Variants in PLPPR2 observed in about 807,000 individuals in gnomAD.
PLPPR2 encodes phospholipid phosphatase related 2.
Under a neutral mutation model 40.3 loss-of-function variants are expected in PLPPR2, and 11 were observed. The observed-to-expected ratio is 0.27, with a 90% confidence interval of 0.17 to 0.45. The LOEUF is 0.45. Ranked by LOEUF, PLPPR2 falls within the 20% of genes least tolerant of loss-of-function variation. The pLI, the probability that PLPPR2 is intolerant of heterozygous loss-of-function variation, is 1.00. For missense variants in PLPPR2, 497 were observed against 640.7 expected (o/e 0.78, Z 2.42); for synonymous variants, 260 against 290.8 (o/e 0.89, Z 1.08).
chr19:11,364,012 A>AC lies in PLPPR2; in HGVS notation c.964-144dup. ...ACAGCCCCAAAGAATGAAAGGGAGC[A>AC]CCCCCGTCTTCTTCCCAGGGGGACA... On this transcript the variant is annotated intron_variant, in intron 8 of 9. Transcript: ENST00000688289. The surrounding 1 kb of genome is among the most constrained non-coding windows in gnomAD (Gnocchi z 5.8). 3.8e-6 allele frequency: 5 copies of AC among 1,331,080 alleles called. No homozygotes were observed. Among genetic ancestry groups the AC allele is most frequent in the Non-Finnish European group, 4.1e-6 (4 of 971,644 alleles). 82.5% of individuals were successfully genotyped at this position (1,331,080 alleles called of 1,614,324 possible).
At chr19:11,358,043 G>A (rs1316240000) in intron 3 of PLPPR2, among the ~76,000 whole-genome samples, 1 of 39,150 alleles carries the variant, frequency 2.6e-5, no homozygotes, top group Non-Finnish European at 6.8e-5. Flanking sequence ...GTGTGTGTGT[G>A]TGTGTGTGTG....
chr19:11,362,360 G>A lies in PLPPR2; in HGVS notation c.664-153G>A. On this transcript the variant is annotated intron_variant, in intron 6 of 9. Coordinates refer to ENST00000688289, the MANE Select transcript of PLPPR2 (RefSeq NM_001393892.1). The surrounding 1 kb of genome is among the most constrained non-coding windows in gnomAD (Gnocchi z 5.3). Reference sequence around the variant, plus strand: ...CTTTTTGGTCACGCTCCCTGGAAAAGCCCACTGGGAGCCCATGACTCCAAC... The same window carrying A: ...CTTTTTGGTCACGCTCCCTGGAAAAACCCACTGGGAGCCCATGACTCCAAC... 2 of 747,432 alleles carry A rather than the reference G, an allele frequency of 2.7e-6. No individual in the cohort carries two copies. Among genetic ancestry groups the A allele is most frequent in the Non-Finnish European group, 4.2e-6 (2 of 476,194 alleles). 46.3% of individuals were successfully genotyped at this position (747,432 alleles called of 1,614,324 possible).
Position 11,363,643 on chromosome 19 carries a change from G to A in PLPPR2, c.841-70G>A. On this transcript the variant is annotated intron_variant, in intron 7 of 9. Coordinates refer to ENST00000688289, the MANE Select transcript of PLPPR2 (RefSeq NM_001393892.1). The surrounding 1 kb of genome is among the most constrained non-coding windows in gnomAD (Gnocchi z 4.8). ...CCTCACTTTCCTTATCTGAAAAATGGGGATGGTATTTACATGGCTCCTATG... is the reference window on the plus strand; with the variant it reads ...CCTCACTTTCCTTATCTGAAAAATGAGGATGGTATTTACATGGCTCCTATG... The A allele has an allele frequency of 6.7e-7, 1 of 1,500,556 alleles. No homozygotes were observed. Among genetic ancestry groups the A allele is most frequent in the Non-Finnish European group, 8.9e-7 (1 of 1,117,388 alleles). 93.0% of individuals were successfully genotyped at this position (1,500,556 alleles called of 1,614,324 possible).
Position 11,363,738 on chromosome 19 carries a change from A to C in PLPPR2, c.866A>C (p.Gln289Pro). 6.2e-7 allele frequency: 1 copy of C among 1,614,068 alleles called. No homozygotes were observed. The highest frequency in any genetic ancestry group is 8.5e-7 in the Non-Finnish European group (1 of 1,179,958). Residue 289 changes from glutamine to proline, a missense_variant, in exon 8 of 10, where the codon CAG becomes CCG. Gln to Pro is a moderately conservative substitution (Grantham distance 76). Transcript: ENST00000688289. This position sits in a 1 kb window ranked among gnomAD's most constrained non-coding sequence, Gnocchi z 4.8. ...GTCACCTGCGTTGTGCATAACTTTC[A>C]GAGCCGGCCACCCTCTGGCCGAAGG... ...FLVTCVVHNF[Q>P]SRPPSGRRLS...
At position 11,363,209 on chromosome 19, in the gene PLPPR2, G is replaced by T. The variant is rs957712498; in HGVS notation, c.841-504G>T. On this transcript the variant is annotated intron_variant, in intron 7 of 9. Coordinates refer to ENST00000688289, the MANE Select transcript of PLPPR2 (RefSeq NM_001393892.1). This position sits in a 1 kb window ranked among gnomAD's most constrained non-coding sequence, Gnocchi z 4.8. ...GGCAGAAGAATCGCTTGAACCCGGG[G>T]GACGGAGGTTGCAGTGAACTGAGAT... Among the ~76,000 whole-genome samples the T allele has an allele frequency of 2.0e-5, 3 of 151,698 alleles. No homozygotes were observed. Among genetic ancestry groups the T allele is most frequent in the Non-Finnish European group, 4.4e-5 (3 of 67,936 alleles).
chr19:11,362,510 C>T lies in PLPPR2; in HGVS notation c.664-3C>T. The T allele has an allele frequency of 6.2e-7, 1 of 1,609,408 alleles. No individual in the cohort carries two copies. Reference sequence around the variant, plus strand: ...TCCCCCTGACCAGTCCGGCTCCCCGCAGATGTACGTGACTCTCGTGTTCCG... The same window carrying T: ...TCCCCCTGACCAGTCCGGCTCCCCGTAGATGTACGTGACTCTCGTGTTCCG... On this transcript the variant is annotated splice_polypyrimidine_tract_variant and splice_region_variant and intron_variant, in intron 6 of 9. Coordinates refer to ENST00000688289, the MANE Select transcript of PLPPR2 (RefSeq NM_001393892.1). This position sits in a 1 kb window ranked among gnomAD's most constrained non-coding sequence, Gnocchi z 5.3.
At chr19:11,360,301 AAAG>A (rs1287283626) in intron 5 of PLPPR2, among the ~76,000 whole-genome samples, 34 of 152,096 alleles carry the variant, frequency 2.2e-4, no homozygotes, top group East Asian at 5.8e-4. Context: ...AAAAAAAAAA[AAAG>A]AAGAATTCCA....
chr19:11,364,387 C>G lies in PLPPR2; in HGVS notation c.1056C>G (p.Ser352Arg), dbSNP rs759532483. The G allele has an allele frequency of 4.2e-5, 64 of 1,519,564 alleles. No individual in the cohort carries two copies. Among genetic ancestry groups the G allele is most frequent in the South Asian group, 3.6e-4 (27 of 75,820 alleles). 94.1% of individuals were successfully genotyped at this position (1,519,564 alleles called of 1,614,324 possible). ...CCCGCCGTGGCCACCTGATCCCCAG[C>G]TGTGTCTCCTCCAGGGCCCCAGCCA... ...NCARRGHLIP[S>R]CVSSRAPAMC... The change falls in exon 10 of 10, where the codon AGC (serine) becomes AGG (arginine). Residue 352 changes from serine to arginine, a missense_variant. Coordinates refer to ENST00000688289, the MANE Select transcript of PLPPR2 (RefSeq NM_001393892.1). The surrounding 1 kb of genome is among the most constrained non-coding windows in gnomAD (Gnocchi z 5.8).
intron 5 of PLPPR2, among the ~76,000 whole-genome samples, chr19:11,360,159 T>C (rs933119911): frequency 6.6e-6 from 1 of 152,056 alleles, no homozygotes. Context: ...GGCGAAACCC[T>C]GTCTGTACTA....
In PLPPR2 at chr19:11,357,687, G is replaced by A. The variant is rs1327146291; in HGVS notation, c.14G>A (p.Arg5Lys). Residue 5 changes from arginine (R) to lysine (K), a missense_variant, in exon 3 of 10, where the codon AGA becomes AAA. Physicochemically the swap from Arg to Lys is conservative, Grantham distance 26. Transcript: ENST00000688289. MAGGRPHLKRSFSII... is the reference protein window; with the variant it reads MAGGKPHLKRSFSII... ...CTGGCCTTCACCATGGCGGGAGGGA[G>A]ACCGCATCTGAAGAGGAGTTTCTCC... 1.2e-6 allele frequency: 2 copies of A among 1,607,008 alleles called. No homozygotes were observed. Among genetic ancestry groups the A allele is most frequent in the African/African-American group, 2.7e-5 (2 of 74,700 alleles).
Position 11,362,353 on chromosome 19 carries a change from T to A in PLPPR2, c.664-160T>A. 3.5e-6 allele frequency: 2 copies of A among 572,668 alleles called. No individual in the cohort carries two copies. Among genetic ancestry groups the A allele is most frequent in the Non-Finnish European group, 2.9e-6 (1 of 350,082 alleles). 35.5% of individuals were successfully genotyped at this position (572,668 alleles called of 1,614,324 possible). ...CCTTTGCCTTTTTGGTCACGCTCCC[T>A]GGAAAAGCCCACTGGGAGCCCATGA... On this transcript the variant is annotated intron_variant, in intron 6 of 9. Coordinates refer to ENST00000688289, the MANE Select transcript of PLPPR2 (RefSeq NM_001393892.1). This position sits in a 1 kb window ranked among gnomAD's most constrained non-coding sequence, Gnocchi z 5.3.
rs1319720682 is a variant in PLPPR2 at position 11,364,022 on chromosome 19, T to C, written c.964-139T>C. ...AGAATGAAAGGGAGCACCCCCGTCT[T>C]CTTCCCAGGGGGACACGGTTAATCA... is the stretch of plus-strand genomic sequence containing the variant. On this transcript the variant is annotated intron_variant, in intron 8 of 9. Coordinates refer to ENST00000688289, the MANE Select transcript of PLPPR2 (RefSeq NM_001393892.1). The surrounding 1 kb of genome is among the most constrained non-coding windows in gnomAD (Gnocchi z 5.8). The C allele has an allele frequency of 7.3e-7, 1 of 1,370,298 alleles. No homozygotes were observed. Among genetic ancestry groups the C allele is most frequent in the East Asian group, 2.3e-5 (1 of 42,998 alleles). 84.9% of individuals were successfully genotyped at this position (1,370,298 alleles called of 1,614,324 possible). A position where few individuals can be genotyped will look rare whatever the true frequency, so the allele number is the denominator to read the frequency against.
chr19:11,362,316 C>T lies in PLPPR2; in HGVS notation c.664-197C>T. 1.7e-6 allele frequency: 1 copy of T among 588,702 alleles called. No individual in the cohort carries two copies. The highest frequency in any genetic ancestry group is 2.9e-5 in the East Asian group (1 of 34,610). 36.5% of individuals were successfully genotyped at this position (588,702 alleles called of 1,614,324 possible). On this transcript the variant is annotated intron_variant, in intron 6 of 9. Transcript: ENST00000688289. The surrounding 1 kb of genome is among the most constrained non-coding windows in gnomAD (Gnocchi z 5.3). ...CCACGAGACTCCAAGACCTCAATCC[C>T]TGACCCCCCCCCCTTTGCCTTTTTG...
chr19:11,356,114 G>A (rs1311930928), intron 1 of PLPPR2, among the ~76,000 whole-genome samples: 2 of 151,994 alleles, frequency 1.3e-5, no homozygotes, highest in African/African-American at 2.4e-5. Context: ...GGCTGTGGTC[G>A]TGCGCTGTGC....
Position 11,359,858 on chromosome 19 carries a change from C to T in PLPPR2, c.293C>T (p.Ala98Val), listed in dbSNP as rs140665282. The change falls in exon 5 of 10, where the codon GCA becomes GTA. Residue 98 changes from alanine to valine, a missense_variant. Transcript: ENST00000688289. The surrounding 1 kb of genome is among the most constrained non-coding windows in gnomAD (Gnocchi z 5.6). ...GAGCTGGCGCGTGCCTTTTTCCCTG[C>T]ACCACCTTCAGCCGTCCCAGTCATC... ...LGELARAFFP[A>V]PPSAVPVIGE... 7.9e-5 allele frequency: 128 copies of T among 1,613,576 alleles called. No homozygotes were observed. The highest frequency in any genetic ancestry group is 1.0e-4 in the Non-Finnish European group (123 of 1,179,724).
chr19:11,359,272 C>T lies in PLPPR2; in HGVS notation c.67-260C>T, dbSNP rs1041874070. Among the ~76,000 whole-genome samples the T allele has an allele frequency of 6.6e-6, 1 of 152,222 alleles. No homozygotes were observed. Among genetic ancestry groups the T allele is most frequent in the African/African-American group, 2.4e-5 (1 of 41,452 alleles). ...TATGCCTCCCAAAGTGCTGGAATTA[C>T]AGGCACGAGCCGCTGCACACGGCCC... On this transcript the variant is annotated intron_variant, in intron 3 of 9. Coordinates refer to ENST00000688289, the MANE Select transcript of PLPPR2 (RefSeq NM_001393892.1). The surrounding 1 kb of genome is among the most constrained non-coding windows in gnomAD (Gnocchi z 5.6).
Position 11,362,557 on chromosome 19 carries a change from C to A in PLPPR2, c.708C>A (p.Val236=), listed in dbSNP as rs747221048. ...TCCGCGTGAAGGGCTCCCGCCTGGT[C>A]AAACCCTCGCTCTGCCTGGCCTTGC... ...LVFRVKGSRL[V]KPSLCLALLC... Residue 236 remains valine (V), a synonymous_variant, in exon 7 of 10, where the codon GTC becomes GTA. Transcript: ENST00000688289. The surrounding 1 kb of genome is among the most constrained non-coding windows in gnomAD (Gnocchi z 5.3). The A allele has an allele frequency of 8.7e-6, 14 of 1,612,266 alleles. No individual in the cohort carries two copies. The highest frequency in any genetic ancestry group is 1.1e-5 in the Non-Finnish European group (13 of 1,180,006).
Position 11,359,778 on chromosome 19 carries a change from T to C in PLPPR2, c.256-43T>C. Reference sequence around the variant, plus strand: ...GGGCCGGTAAGGGTGGGTGAGGGGATGGGCTGGAAGGCCAGAAGACTCCAT... The same window carrying C: ...GGGCCGGTAAGGGTGGGTGAGGGGACGGGCTGGAAGGCCAGAAGACTCCAT... On this transcript the variant is annotated intron_variant, in intron 4 of 9. Coordinates refer to ENST00000688289, the MANE Select transcript of PLPPR2 (RefSeq NM_001393892.1). The surrounding 1 kb of genome is among the most constrained non-coding windows in gnomAD (Gnocchi z 5.6). The C allele has an allele frequency of 1.3e-6, 2 of 1,586,516 alleles. No individual in the cohort carries two copies. Among genetic ancestry groups the C allele is most frequent in the Non-Finnish European group, 1.7e-6 (2 of 1,160,960 alleles).
In PLPPR2 at chr19:11,362,632, C is replaced by G; in HGVS notation, c.783C>G (p.Asn261Lys). 6.2e-7 allele frequency: 1 copy of G among 1,613,972 alleles called. No homozygotes were observed. Among genetic ancestry groups the G allele is most frequent in the Non-Finnish European group, 8.5e-7 (1 of 1,180,026 alleles). The change falls in exon 7 of 10, where the codon AAC becomes AAG. Residue 261 changes from asparagine to lysine, a missense_variant. By Grantham distance (94) the Asn-to-Lys change is moderately conservative. Coordinates refer to ENST00000688289, the MANE Select transcript of PLPPR2 (RefSeq NM_001393892.1). The surrounding 1 kb of genome is among the most constrained non-coding windows in gnomAD (Gnocchi z 5.3). ...TGGTCCGCGTGGCCGAGTACCGAAA[C>G]CACTGGTCGGACGTGCTGGCTGGCT... ...VGVVRVAEYR[N>K]HWSDVLAGFL...
Sources: gnomAD v4.1 joint callset for allele counts (sites outside exome capture counted in the v4.1 genomes callset) on GRCh38, gnomAD v4.1.1 for gene constraint, Gnocchi (gnomAD v3.1) non-coding constraint, MANE v1.5 for transcripts, NCBI Gene and HGNC (gene_info 2026-07-23, HGNC 2026-07-21) for gene names.